Variants in GPC6 observed in about 807,000 individuals in gnomAD.
GPC6 encodes the protein glypican-6.
GPC6 carries 14 observed loss-of-function variants against 55.2 expected under a neutral mutation model. That is an observed-to-expected ratio of 0.25 (90% CI 0.17 to 0.40). The LOEUF (loss-of-function observed/expected upper bound fraction) is 0.40, where lower values mean the gene tolerates loss of function less well. Ranked by LOEUF, GPC6 falls within the 10% of genes least tolerant of loss-of-function variation. GPC6 has a pLI of 1.00. For synonymous variants in GPC6, 278 were observed against 259.6 expected (o/e 1.07, Z -0.68); for missense variants, 641 against 708.5 (o/e 0.90, Z 1.08).
At chr13:93,879,881 A>C (rs1294684669) in intron 3 of GPC6, among the ~76,000 whole-genome samples, 1 of 151,760 alleles carries the variant, frequency 6.6e-6, no homozygotes, top group African/African-American at 2.4e-5. Context: ...AAAAACAAAC[A>C]ACCCCATCAA....
chr13:93,752,132 G>A (rs536200376), intron 2 of GPC6, among the ~76,000 whole-genome samples: 14 of 152,196 alleles, frequency 9.2e-5, no homozygotes, highest in African/African-American at 2.6e-4. Flanking sequence ...AGTTGGTTCC[G>A]AGTAAGTAGA....
chr13:93,235,031 A>T (rs987158770), intron 1 of GPC6, among the ~76,000 whole-genome samples: 2 of 152,096 alleles, frequency 1.3e-5, no homozygotes, highest in Non-Finnish European at 2.9e-5. Context: ...AAAACTTCAA[A>T]TTTTTTACCC....
intron 2 of GPC6, among the ~76,000 whole-genome samples, chr13:93,823,900 A>G (rs2138970190): frequency 6.6e-6 from 1 of 152,310 alleles, no homozygotes; most frequent in East Asian, 1.9e-4. Context: ...AAAAACATAC[A>G]CCTACACACA....
chr13:93,856,713 T>C (rs1309191725), intron 3 of GPC6, among the ~76,000 whole-genome samples: 1 of 151,582 alleles, frequency 6.6e-6, no homozygotes, highest in African/African-American at 2.4e-5. Context: ...GGAACTGTGG[T>C]GGACATGTTT....
chr13:94,174,929 C>G (rs1283517514), intron 4 of GPC6, among the ~76,000 whole-genome samples: 1 of 152,078 alleles, frequency 6.6e-6, no homozygotes, highest in Non-Finnish European at 1.5e-5. Flanking sequence ...TGTATGAGTA[C>G]AGGTTCCTGT....
chr13:93,449,311 AG>A (rs1878126345), intron 1 of GPC6, among the ~76,000 whole-genome samples: 1 of 152,218 alleles, frequency 6.6e-6, no homozygotes, highest in Non-Finnish European at 1.5e-5. Flanking sequence ...TGGTATTGCC[AG>A]GACATCCAGT....
At chr13:93,699,074 AG>A (rs2138791967) in intron 2 of GPC6, among the ~76,000 whole-genome samples, 1 of 152,236 alleles carries the variant, frequency 6.6e-6, no homozygotes, top group African/African-American at 2.4e-5. Flanking sequence ...CTGTTCAGCC[AG>A]GAGCTTGAAA....
chr13:93,400,812 A>G (rs945285167), intron 1 of GPC6, among the ~76,000 whole-genome samples: 9 of 152,176 alleles, frequency 5.9e-5, no homozygotes, highest in Non-Finnish European at 7.3e-5. Context: ...TAAAAACTTC[A>G]GTGAAATACT....
At chr13:94,035,438 A>T (rs1328742694) in intron 4 of GPC6, among the ~76,000 whole-genome samples, 5 of 152,078 alleles carry the variant, frequency 3.3e-5, no homozygotes, top group Admixed American at 2.6e-4. Flanking sequence ...TGTGATGTAG[A>T]ACTAGAAAGT....
intron 8 of GPC6, 129 bp downstream of exon 8, chr13:94,398,770 T>C: frequency 1.3e-6 from 1 of 785,524 alleles, no homozygotes. Context: ...GCTGTGATTC[T>C]TGTTATAGTC....
rs1885705055 is a variant in GPC6, at chr13:94,097,441, A to AGCTT, written c.877+69550_877+69553dup. Among the ~76,000 whole-genome samples the AGCTT allele has an allele frequency of 3.6e-5, 5 of 139,384 alleles. No individual in the cohort carries two copies. The South Asian group carries it at 1.2e-3, about 33-fold the overall frequency. 91.4% of individuals were successfully genotyped at this position (139,384 alleles called of 152,430 possible). On this transcript the variant is annotated intron_variant, in intron 4 of 8. Coordinates refer to ENST00000377047, the MANE Select transcript of GPC6 (RefSeq NM_005708.5). ...AGAATGGCGTGAACCCGGGAGGCGGAGCTTGCAGTGAGCGGAGATCGCGCC... is the reference window on the plus strand; with the variant it reads ...AGAATGGCGTGAACCCGGGAGGCGGAGCTTGCTTGCAGTGAGCGGAGATCGCGCC...
chr13:93,444,195 C>T (rs373212640), intron 1 of GPC6, among the ~76,000 whole-genome samples: 55 of 110,646 alleles, frequency 5.0e-4, no homozygotes, highest in African/African-American at 8.6e-4. Context: ...TGCAATTCTT[C>T]TTTTTTTTTT....
chr13:94,238,727 C>A (rs988877888), intron 4 of GPC6, among the ~76,000 whole-genome samples: 5 of 152,122 alleles, frequency 3.3e-5, no homozygotes, highest in Admixed American at 1.3e-4. Flanking sequence ...GGGTCTCCCA[C>A]AGTTTGGGGC....
At chr13:93,479,617 C>T (rs1315207759) in intron 1 of GPC6, among the ~76,000 whole-genome samples, 2 of 145,498 alleles carry the variant, frequency 1.4e-5, no homozygotes, top group South Asian at 2.2e-4. Context: ...GACCCCCCCC[C>T]ATCTCTACTA....
At chr13:94,169,434 A>G (rs1018121315) in intron 4 of GPC6, among the ~76,000 whole-genome samples, 2 of 152,168 alleles carry the variant, frequency 1.3e-5, no homozygotes, top group Non-Finnish European at 2.9e-5. Context: ...GCCGAAAGAT[A>G]TACAAGAGAT....
chr13:93,361,118 G>A (rs1413875522), intron 1 of GPC6, among the ~76,000 whole-genome samples: 1 of 152,018 alleles, frequency 6.6e-6, no homozygotes, highest in East Asian at 1.9e-4. Flanking sequence ...AGCTCAAGTG[G>A]CCCATGCTTT....
chr13:93,334,042 A>T (rs1359904250), intron 1 of GPC6, among the ~76,000 whole-genome samples: 4 of 152,182 alleles, frequency 2.6e-5, no homozygotes, highest in Non-Finnish European at 5.9e-5. Flanking sequence ...AGTATATTTA[A>T]TTATGACTTT....
intron 6 of GPC6, among the ~76,000 whole-genome samples, chr13:94,377,195 C>T (rs898574237): frequency 1.3e-5 from 2 of 151,908 alleles, no homozygotes; most frequent in African/African-American, 4.8e-5. Context: ...ACACAATTGA[C>T]AAATGGGATC....
intron 6 of GPC6, among the ~76,000 whole-genome samples, chr13:94,314,787 C>T (rs906806438): frequency 6.6e-6 from 1 of 152,136 alleles, no homozygotes; most frequent in African/African-American, 2.4e-5. Context: ...TTCATAAATA[C>T]CAGTTTTGAT....
Sources: allele counts gnomAD v4.1 joint callset (sites outside exome capture counted in the v4.1 genomes callset), GRCh38; gene constraint gnomAD v4.1.1; transcripts MANE v1.5; gene names NCBI Gene and HGNC (gene_info 2026-07-23, HGNC 2026-07-21).